Variants in TMEM154 observed in about 807,000 individuals in gnomAD.
TMEM154 encodes transmembrane protein 154.
TMEM154 carries 27 observed loss-of-function variants against 24.5 expected under a neutral mutation model. The observed-to-expected ratio is 1.10, with a 90% CI of 0.81 to 1.52. The LOEUF (loss-of-function observed/expected upper bound fraction) is 1.52. Among genes scored for constraint, TMEM154 ranks in the 40% most tolerant of loss-of-function variants. The pLI is 0.00. For synonymous variants in TMEM154, 67 were observed against 76.8 expected, an observed-to-expected ratio of 0.87 and a Z score of 0.67; for missense variants, 228 against 213.4, an observed-to-expected ratio of 1.07 and a Z score of -0.43.
In TMEM154 at chr4:152,652,718, A is replaced by G. The variant is rs777515280; in HGVS notation, c.274T>C (p.Leu92=). Residue 92 remains leucine (L), a synonymous_variant, in exon 2 of 7, where the codon TTA becomes CTA. Transcript: ENST00000304385. ...TATGTTGCAAGGAATACCACGGATA[A>G]AAGTAAGAGGACCAATAAAATCAAT... The part of the protein sequence containing the change: ...IPLILLVLLL[L]SVVFLATYYK... 6.2e-7 allele frequency: 1 copy of G among 1,614,016 alleles called. No individual in the cohort carries two copies. The highest frequency in any genetic ancestry group is 8.5e-7 in the Non-Finnish European group (1 of 1,179,956).
intron 1 of TMEM154, 104 bp downstream of exon 1, chr4:152,679,766 A>G: frequency 6.7e-7 from 1 of 1,482,108 alleles, no homozygotes; most frequent in Non-Finnish European, 9.2e-7. Context: ...AGAAAGGATT[A>G]GATTTTCTGG....
At chr4:152,653,399 T>C (rs1728427852) in intron 1 of TMEM154, among the ~76,000 whole-genome samples, 1 of 151,794 alleles carries the variant, frequency 6.6e-6, no homozygotes, top group African/African-American at 2.4e-5. Flanking sequence ...AATTTTTTTT[T>C]TTTTTTTTGA....
At position 152,632,580 on chromosome 4, in the gene TMEM154, G is replaced by C. The variant is rs187250100; in HGVS notation, c.537-4019C>G. Among the ~76,000 whole-genome samples the C allele has an allele frequency of 2.0e-3, 299 of 152,312 alleles. 1 individual carries two copies. The highest frequency in any genetic ancestry group is 5.0e-3 in the Admixed American group (76 of 15,308). On this transcript the variant is annotated intron_variant, in intron 6 of 6. Transcript: ENST00000304385. ...TTTTACATGGTTGAGTCTTTCATCA[G>C]GAACACAGTATACCTCTCCATTCGT...
intron 1 of TMEM154, among the ~76,000 whole-genome samples, chr4:152,678,469 T>C (rs1728991138): frequency 6.7e-6 from 1 of 149,126 alleles, no homozygotes; most frequent in African/African-American, 2.5e-5. Context: ...TCTTCCCTGA[T>C]GTCCTACTAC....
At chr4:152,672,250 C>T (rs1394535926) in intron 1 of TMEM154, among the ~76,000 whole-genome samples, 4 of 151,644 alleles carry the variant, frequency 2.6e-5, no homozygotes, top group African/African-American at 9.7e-5. Flanking sequence ...CAAAGTGAAA[C>T]CCTTAAGAAA....
chr4:152,663,949 A>G lies in TMEM154; in HGVS notation c.65-11022T>C, dbSNP rs73863187. Among the ~76,000 whole-genome samples the G allele has an allele frequency of 8.2e-3, 1,244 of 152,320 alleles. 16 individuals are homozygous for G. The highest frequency in any genetic ancestry group is 0.028 in the African/African-American group (1,183 of 41,558). ...TTTGAGGTAACGCCTGGCAGCCCCA[A>G]CAGCTGGGCAGCACAGTGTCCCCAT... is the stretch of plus-strand genomic sequence containing the variant. On this transcript the variant is annotated intron_variant, in intron 1 of 6. Transcript: ENST00000304385.
At position 152,661,102 on chromosome 4, in the gene TMEM154, G is replaced by C. The variant is rs1451795520; in HGVS notation, c.65-8175C>G. On this transcript the variant is annotated intron_variant, in intron 1 of 6. Coordinates refer to ENST00000304385, the MANE Select transcript of TMEM154 (RefSeq NM_152680.3). ...GGCCTGTGTACATTTACTTTTCAGC[G>C]TGAGACAACGCTGTTCACAGGTGGC... Among the ~76,000 whole-genome samples, 4 of 152,224 alleles carry C rather than the reference G, an allele frequency of 2.6e-5. No individual in the cohort carries two copies. The South Asian group carries it at 8.3e-4, about 32-fold the overall frequency.
In TMEM154 at chr4:152,673,260, CT is replaced by C. The variant is rs368295158; in HGVS notation, c.64+6609del. Reference sequence around the variant, plus strand: ...TTCTATGCATAGTAATCCTTTTTTTCTTTTTTTTTTCCCACCCCGCTTCTGC... The same window carrying C: ...TTCTATGCATAGTAATCCTTTTTTTCTTTTTTTTTCCCACCCCGCTTCTGC... On this transcript the variant is annotated intron_variant, in intron 1 of 6. Transcript: ENST00000304385. Among the ~76,000 whole-genome samples, 70 of 147,720 alleles carry C rather than the reference CT, an allele frequency of 4.7e-4. No homozygotes were observed. The South Asian group carries it at 5.4e-3, about 11-fold the overall frequency.
intron 1 of TMEM154, among the ~76,000 whole-genome samples, chr4:152,667,691 G>A (rs986405257): frequency 6.6e-6 from 1 of 152,252 alleles, no homozygotes; most frequent in African/African-American, 2.4e-5. Flanking sequence ...ATTAATGGCA[G>A]CTTGTAAGTG....
rs147009220 is a variant in TMEM154, at chr4:152,652,786, G to A, written c.206C>T (p.Pro69Leu). 9.9e-6 allele frequency: 16 copies of A among 1,613,888 alleles called. No homozygotes were observed. Among genetic ancestry groups the A allele is most frequent in the East Asian group, 8.9e-5 (4 of 44,864 alleles). The change falls in exon 2 of 7, where the codon CCG (proline) becomes CTG (leucine). Residue 69 changes from proline (P) to leucine (L), a missense_variant. Transcript: ENST00000304385. The part of the protein sequence containing the change: ...NANINSTNFA[P>L]DENQLEFILM... ...TATAAACTCTAACTGATTTTCATCC[G>A]GAGCAAAGTTGGTAGAATTTATATT...
chr4:152,635,911 T>C (rs1315036908), intron 6 of TMEM154, among the ~76,000 whole-genome samples: 1 of 152,216 alleles, frequency 6.6e-6, no homozygotes, highest in African/African-American at 2.4e-5. Context: ...TGTAAAATCA[T>C]CCCTGTGGTC....
chr4:152,660,800 G>T (rs1728586258), intron 1 of TMEM154, among the ~76,000 whole-genome samples: 1 of 152,164 alleles, frequency 6.6e-6, no homozygotes, highest in Non-Finnish European at 1.5e-5. Flanking sequence ...CAGAGGAAAG[G>T]GTTCCCAGAA....
At position 152,625,857 on chromosome 4, in the gene TMEM154, T is replaced by C. The variant is rs919761176; in HGVS notation, c.*2689A>G. The C allele has an allele frequency of 1.3e-5, 2 of 152,128 alleles. No homozygotes were observed. Among genetic ancestry groups the C allele is most frequent in the African/African-American group, 4.8e-5 (2 of 41,416 alleles). 9.4% of individuals were successfully genotyped at this position (152,128 alleles called of 1,614,324 possible). A position where few individuals can be genotyped will look rare whatever the true frequency, so the allele number is the denominator to read the frequency against. On this transcript the variant is annotated 3_prime_UTR_variant, in exon 7 of 7. Transcript: ENST00000304385. ...TTTGAAACCAGCCTGGGCAACATAGTGAGACCCTGTCTTTAAAAAATAAAA... is the reference window on the plus strand; with the variant it reads ...TTTGAAACCAGCCTGGGCAACATAGCGAGACCCTGTCTTTAAAAAATAAAA...
intron 1 of TMEM154, among the ~76,000 whole-genome samples, chr4:152,656,067 T>C (rs1269790677): frequency 6.6e-6 from 1 of 152,106 alleles, no homozygotes; most frequent in Non-Finnish European, 1.5e-5. Context: ...GACTACCCAC[T>C]CTGCTGCCAC....
intron 5 of TMEM154, among the ~76,000 whole-genome samples, chr4:152,642,768 T>C (rs1188470236): frequency 6.6e-6 from 1 of 152,228 alleles, no homozygotes; most frequent in Non-Finnish European, 1.5e-5. Context: ...ATCTTTAAAT[T>C]CTGTAATGTA....
In TMEM154 at chr4:152,626,157, T is replaced by C. The variant is rs536447794; in HGVS notation, c.*2389A>G. On this transcript the variant is annotated 3_prime_UTR_variant, in exon 7 of 7. Coordinates refer to ENST00000304385, the MANE Select transcript of TMEM154 (RefSeq NM_152680.3). The stretch of plus-strand genomic sequence containing the variant: ...TATTAAAACAAGTTTCCTGAGAAGT[T>C]TGACTAGGCTATGTTGTTGTTAACC... 4.6e-5 allele frequency: 7 copies of C among 152,782 alleles called. No individual in the cohort carries two copies. Among genetic ancestry groups the C allele is most frequent in the East Asian group, 1.9e-4 (1 of 5,192 alleles). The allele number at this position is 152,782 out of a possible 1,614,324, so 9.5% of individuals were successfully genotyped here.
intron 1 of TMEM154, among the ~76,000 whole-genome samples, chr4:152,667,787 C>G (rs1258494086): frequency 1.3e-5 from 2 of 152,196 alleles, no homozygotes; most frequent in Admixed American, 6.5e-5. Context: ...GGTGATGATG[C>G]CTTGCATCGA....
intron 1 of TMEM154, among the ~76,000 whole-genome samples, chr4:152,664,373 G>C (rs76041718): frequency 1.4e-5 from 2 of 143,972 alleles, no homozygotes; most frequent in Non-Finnish European, 3.0e-5. Context: ...GGGGCCTGTC[G>C]TGGCGGGGGG....
intron 3 of TMEM154, 34 bp downstream of exon 3, chr4:152,652,504 C>G (rs1193362566): frequency 1.9e-6 from 3 of 1,611,752 alleles, no homozygotes; most frequent in Admixed American, 1.7e-5. Context: ...CAATCCCACC[C>G]CCACCTGTAG....
Sources: allele counts gnomAD v4.1 joint callset (sites outside exome capture counted in the v4.1 genomes callset), GRCh38; gene constraint gnomAD v4.1.1; transcripts MANE v1.5; gene names NCBI Gene and HGNC (gene_info 2026-07-23, HGNC 2026-07-21).